PSMG1: variants seen among roughly 807,000 people sequenced by gnomAD.
PSMG1 encodes proteasome assembly chaperone 1, also known as Down syndrome critical region gene 2.
Under a neutral mutation model 37.2 loss-of-function variants are expected in PSMG1, and 23 were observed. That is an observed-to-expected ratio of 0.62 (90% CI 0.44 to 0.88). The LOEUF (loss-of-function observed/expected upper bound fraction) is 0.88. PSMG1 is among the 40% of genes least tolerant of loss of function. The pLI, the probability that PSMG1 is intolerant of heterozygous loss-of-function variation, is 0.00. For synonymous variants in PSMG1, 127 were observed against 128.0 expected (o/e 0.99, Z 0.05); for missense variants, 340 against 344.2 (o/e 0.99, Z 0.10).
chr21:39,182,615 T>C (rs551128039), intron 1 of PSMG1, among the ~76,000 whole-genome samples: 20 of 152,346 alleles, frequency 1.3e-4, no homozygotes, highest in African/African-American at 4.8e-4. Flanking sequence ...AAGGCCATGA[T>C]GACTGGAATT....
chr21:39,178,312 AC>A (rs2030697369), intron 5 of PSMG1, 136 bp downstream of exon 5: 1 of 750,584 alleles, frequency 1.3e-6, no homozygotes. Flanking sequence ...ACTTGTAACT[AC>A]AGATATTGAG....
chr21:39,181,684 T>G, intron 2 of PSMG1, 88 bp downstream of exon 2: 1 of 936,974 alleles, frequency 1.1e-6, no homozygotes, highest in Admixed American at 3.0e-5. Context: ...TTTAAAGTAC[T>G]AAACATTTTA....
chr21:39,178,783 C>G (rs1413373990), intron 4 of PSMG1, 136 bp from the exon 5 acceptor site: 2 of 807,374 alleles, frequency 2.5e-6, no homozygotes, highest in Admixed American at 5.6e-5. Flanking sequence ...CTTGGAGAAA[C>G]AGAACACACC....
intron 4 of PSMG1, 25 bp from the exon 5 acceptor site, chr21:39,178,672 A>T (rs768280883): frequency 1.8e-5 from 29 of 1,575,144 alleles, no homozygotes; most frequent in East Asian, 1.4e-4. Context: ...ATTTCAAATT[A>T]AAAAAAACAT....
chr21:39,175,449 A>C lies in PSMG1; in HGVS notation c.*141T>G, dbSNP rs2030590806. On this transcript the variant is annotated 3_prime_UTR_variant, in exon 7 of 7. Coordinates refer to ENST00000331573, the MANE Select transcript of PSMG1 (RefSeq NM_003720.4). ...TAATACCACCATAAATAAGGAATTA[A>C]AACTACAATTAATTTTTTACAATTT... 2.4e-6 allele frequency: 3 copies of C among 1,263,130 alleles called. No homozygotes were observed. Among genetic ancestry groups the C allele is most frequent in the South Asian group, 2.1e-5 (1 of 46,832 alleles). The allele number at this position is 1,263,130 out of a possible 1,614,324, so 78.2% of individuals were successfully genotyped here.
In PSMG1 at chr21:39,178,645, A is replaced by G; in HGVS notation, c.459T>C (p.Val153=). Residue 153 remains valine, a splice_region_variant and synonymous_variant, in exon 5 of 7, where the codon GTT becomes GTC. Transcript: ENST00000331573. ...EDQQYQWLEK[V]FGSCPRKNMQ... is the part of the protein sequence containing the mutation. ...TGTTCTTCCTTGGACAAGAGCCAAA[A>G]ACCTAACATAAAATTTATTTCAAAT... is the stretch of plus-strand genomic sequence containing the variant. The G allele has an allele frequency of 6.2e-7, 1 of 1,608,662 alleles. No homozygotes were observed. The highest frequency in any genetic ancestry group is 8.5e-7 in the Non-Finnish European group (1 of 1,178,106).
chr21:39,178,043 T>A (rs2030689283), intron 5 of PSMG1, among the ~76,000 whole-genome samples: 1 of 152,210 alleles, frequency 6.6e-6, no homozygotes, highest in African/African-American at 2.4e-5. Context: ...CTTTGTCATA[T>A]GATGGCAGAT....
intron 1 of PSMG1, 126 bp downstream of exon 1, chr21:39,183,126 G>C (rs531202347): frequency 8.1e-7 from 1 of 1,229,024 alleles, no homozygotes; most frequent in Non-Finnish European, 1.1e-6. Context: ...CAGAGCCAAG[G>C]AGCGGCGGCA....
At chr21:39,177,011 T>C (rs577010081) in intron 6 of PSMG1, among the ~76,000 whole-genome samples, 3 of 152,370 alleles carry the variant, frequency 2.0e-5, no homozygotes, top group African/African-American at 7.2e-5. Flanking sequence ...AGGTTCATTA[T>C]GTAATTCTCT....
At position 39,183,409 on chromosome 21, in the gene PSMG1, A is replaced by C; in HGVS notation, c.-24T>G. 6.4e-7 allele frequency: 1 copy of C among 1,568,448 alleles called. No individual in the cohort carries two copies. The highest frequency in any genetic ancestry group is 8.6e-7 in the Non-Finnish European group (1 of 1,162,726). On this transcript the variant is annotated 5_prime_UTR_variant, in exon 1 of 7. Coordinates refer to ENST00000331573, the MANE Select transcript of PSMG1 (RefSeq NM_003720.4). ...ATAGCCGCCCCGTGACCGGCTGGAC[A>C]CAACTGCAGCGCCGCGGGACCGCAC... is the stretch of plus-strand genomic sequence containing the variant.
chr21:39,180,565 A>G (rs947869314), intron 2 of PSMG1, 129 bp from the exon 3 acceptor site: 17 of 889,114 alleles, frequency 1.9e-5, no homozygotes, highest in Non-Finnish European at 2.7e-5. Context: ...TCTACCTAAT[A>G]CCACCATTAT....
intron 6 of PSMG1, among the ~76,000 whole-genome samples, chr21:39,177,012 G>A (rs903841317): frequency 2.6e-5 from 4 of 152,204 alleles, no homozygotes; most frequent in African/African-American, 9.7e-5. Flanking sequence ...GGTTCATTAT[G>A]TAATTCTCTC....
At position 39,183,139 on chromosome 21, in the gene PSMG1, C is replaced by T. The variant is rs11910179; in HGVS notation, c.134+113G>A. 3.2e-3 allele frequency: 4,227 copies of T among 1,325,462 alleles called. 112 individuals carry two copies. In the African/African-American group the frequency reaches 0.057, roughly 18 times the overall value. 82.1% of individuals were successfully genotyped at this position (1,325,462 alleles called of 1,614,324 possible). ...AGCAGAGCCAAGGAGCGGCGGCAACCGCGGGGGCCACTCGGAAGACCGCGG... is the reference window on the plus strand; with the variant it reads ...AGCAGAGCCAAGGAGCGGCGGCAACTGCGGGGGCCACTCGGAAGACCGCGG... On this transcript the variant is annotated intron_variant, in intron 1 of 6. Coordinates refer to ENST00000331573, the MANE Select transcript of PSMG1 (RefSeq NM_003720.4).
chr21:39,175,474 T>C lies in PSMG1; in HGVS notation c.*116A>G. The C allele has an allele frequency of 7.3e-7, 1 of 1,364,272 alleles. No homozygotes were observed. The highest frequency in any genetic ancestry group is 9.5e-7 in the Non-Finnish European group (1 of 1,050,500). 84.5% of individuals were successfully genotyped at this position (1,364,272 alleles called of 1,614,324 possible). ...AAACTACAATTAATTTTTTACAATT[T>C]TATTCCGTTTCATCATTCTCAAAAT... On this transcript the variant is annotated 3_prime_UTR_variant, in exon 7 of 7. Transcript: ENST00000331573.
chr21:39,176,354 C>A (rs528112702), intron 6 of PSMG1, among the ~76,000 whole-genome samples: 2 of 152,220 alleles, frequency 1.3e-5, no homozygotes, highest in African/African-American at 2.4e-5. Context: ...TTATGACACA[C>A]CTGTGTGCTA....
intron 5 of PSMG1, 30 bp downstream of exon 5, chr21:39,178,419 G>C: frequency 2.6e-6 from 4 of 1,567,290 alleles, no homozygotes; most frequent in East Asian, 4.5e-5. Flanking sequence ...CAATAAGATA[G>C]AATGTAAATG....
chr21:39,178,446 C>T lies in PSMG1; in HGVS notation c.655+3G>A, dbSNP rs1439891336. ...ATGTAAATGTTACAAATTTTAATACCACCTGCTGCAGGAAGGTCGTGTACT... is the reference window on the plus strand; with the variant it reads ...ATGTAAATGTTACAAATTTTAATACTACCTGCTGCAGGAAGGTCGTGTACT... On this transcript the variant is annotated splice_donor_region_variant and intron_variant, in intron 5 of 6. Coordinates refer to ENST00000331573, the MANE Select transcript of PSMG1 (RefSeq NM_003720.4). The T allele has an allele frequency of 1.2e-6, 2 of 1,605,208 alleles. No homozygotes were observed. The highest frequency in any genetic ancestry group is 1.7e-6 in the Non-Finnish European group (2 of 1,172,296).
intron 6 of PSMG1, among the ~76,000 whole-genome samples, chr21:39,176,444 A>C (rs1203980346): frequency 1.3e-5 from 2 of 152,248 alleles, no homozygotes. Flanking sequence ...GGGATGAGGC[A>C]ATTGGCTATT....
rs1264515977 is a variant in PSMG1 at position 39,183,312 on chromosome 21, T to G, written c.74A>C (p.Glu25Ala). The G allele has an allele frequency of 6.3e-7, 1 of 1,581,110 alleles. No homozygotes were observed. Among genetic ancestry groups the G allele is most frequent in the Non-Finnish European group, 8.6e-7 (1 of 1,166,226 alleles). ...RAGTEDEEEE[E>A]EGRRETPEDR... ...CTCGGGCGTCTCCCTCCGCCCCTCC[T>G]CCTCCTCCTCTTCGTCCTCAGTCCC... Residue 25 changes from glutamate (E) to alanine (A), a missense_variant, in exon 1 of 7, where the codon GAG (glutamate) becomes GCG (alanine). Coordinates refer to ENST00000331573, the MANE Select transcript of PSMG1 (RefSeq NM_003720.4).
Sources: gnomAD v4.1 joint callset for allele counts (sites outside exome capture counted in the v4.1 genomes callset) on GRCh38, gnomAD v4.1.1 for gene constraint, MANE v1.5 for transcripts, NCBI Gene and HGNC (gene_info 2026-07-23, HGNC 2026-07-21) for gene names.